The following RBX1 variants were observed in gnomAD, a reference collection of about 807,000 sequenced individuals.
RBX1 encodes ring-box 1.
For synonymous variants in RBX1, 48 were observed against 47.9 expected (o/e 1.00, Z -0.01); for missense variants, 46 against 141.4 (o/e 0.33, Z 3.42).
At chr22:40,961,060 G>A (rs1002693177) in intron 2 of RBX1, among the ~76,000 whole-genome samples, 7 of 150,226 alleles carry the variant, frequency 4.7e-5, no homozygotes, top group Non-Finnish European at 4.4e-5. Flanking sequence ...CACCACGCCC[G>A]GCCGAGCCAC....
intron 2 of RBX1, among the ~76,000 whole-genome samples, 158 bp downstream of exon 2, chr22:40,953,791 A>C (rs760610041): frequency 6.6e-6 from 1 of 152,074 alleles, no homozygotes; most frequent in Non-Finnish European, 1.5e-5. Context: ...GAAATAGAGT[A>C]GTTTTTTTAT....
At chr22:40,972,127 C>T (rs2058370644) in intron 4 of RBX1, among the ~76,000 whole-genome samples, 1 of 152,164 alleles carries the variant, frequency 6.6e-6, no homozygotes, top group South Asian at 2.1e-4. Flanking sequence ...TGTCTGAGCC[C>T]CTGTTGGGAG....
At chr22:40,955,905 G>A (rs1390160611) in intron 2 of RBX1, among the ~76,000 whole-genome samples, 1 of 152,190 alleles carries the variant, frequency 6.6e-6, no homozygotes, top group Admixed American at 6.5e-5. Context: ...AAAAACATAT[G>A]CAGGGTTTCA....
chr22:40,955,473 T>G (rs2058322906), intron 2 of RBX1, among the ~76,000 whole-genome samples: 1 of 152,176 alleles, frequency 6.6e-6, no homozygotes, highest in Non-Finnish European at 1.5e-5. Context: ...TTATTTAACC[T>G]TATATAGTCA....
At chr22:40,967,964 A>G in intron 4 of RBX1, 80 bp downstream of exon 4, 4 of 912,924 alleles carry the variant, frequency 4.4e-6, no homozygotes, top group Non-Finnish European at 5.5e-6. Flanking sequence ...GGATGGAGAC[A>G]TGATACATGC....
At chr22:40,966,785 GT>G (rs2058355517) in intron 3 of RBX1, 2 of 152,156 alleles carry the variant, frequency 1.3e-5, no homozygotes, top group Admixed American at 6.6e-5. Flanking sequence ...AGCTTTTGTT[GT>G]TTTGTTAGGG....
At chr22:40,954,721 T>TA (rs2058320464) in intron 2 of RBX1, among the ~76,000 whole-genome samples, 1 of 152,168 alleles carries the variant, frequency 6.6e-6, no homozygotes. Flanking sequence ...CTCACTCTGT[T>TA]AGTTTACCTG....
intron 1 of RBX1, among the ~76,000 whole-genome samples, chr22:40,953,323 T>A (rs2058316450): frequency 6.6e-6 from 1 of 152,148 alleles, no homozygotes; most frequent in Non-Finnish European, 1.5e-5. Context: ...GGAAACAAAT[T>A]AAAAGATGAC....
chr22:40,951,491 G>A lies in RBX1; in HGVS notation c.78+15G>A. The A allele has an allele frequency of 1.2e-6, 2 of 1,611,484 alleles. No individual in the cohort carries two copies. The highest frequency in any genetic ancestry group is 2.2e-5 in the East Asian group (1 of 44,792). ...AAGTGAAAAAGGTTGGGTCTCGCCA[G>A]CGCCTTCCTCAGGGAAGCTAGAGAG... is the stretch of plus-strand genomic sequence containing the variant. On this transcript the variant is annotated intron_variant, in intron 1 of 4. Transcript: ENST00000216225.
At position 40,965,424 on chromosome 22, in the gene RBX1, T is replaced by G. The variant is rs372698691; in HGVS notation, c.228+1307T>G. On this transcript the variant is annotated intron_variant, in intron 3 of 4. Coordinates refer to ENST00000216225, the MANE Select transcript of RBX1 (RefSeq NM_014248.4). The stretch of plus-strand genomic sequence containing the variant: ...TTTCCTACCTACACTGGTTTTTTGT[T>G]TTTTTTTTTGTTTTTTGTTTTTTGT... 4.2e-3 allele frequency among the ~76,000 whole-genome samples: 637 copies of G among 150,306 alleles called. 3 individuals carry two copies. The highest frequency in any genetic ancestry group is 0.014 in the African/African-American group (585 of 41,082).
At position 40,951,382 on chromosome 22, in the gene RBX1, GA is replaced by G; in HGVS notation, c.-16del. The stretch of plus-strand genomic sequence containing the variant: ...GCGCAGGCGCGGTGGTCGGACGACA[GA>G]CCGTGTGTTTCCAAAATGGCGGCAG... On this transcript the variant is annotated 5_prime_UTR_variant, in exon 1 of 5. Transcript: ENST00000216225. The G allele has an allele frequency of 6.2e-7, 1 of 1,612,038 alleles. No individual in the cohort carries two copies. The highest frequency in any genetic ancestry group is 8.5e-7 in the Non-Finnish European group (1 of 1,178,856).
chr22:40,965,384 T>C lies in RBX1; in HGVS notation c.228+1267T>C, dbSNP rs148074871. On this transcript the variant is annotated intron_variant, in intron 3 of 4. Coordinates refer to ENST00000216225, the MANE Select transcript of RBX1 (RefSeq NM_014248.4). ...TGGTGTTCTCAGTAGTTTTTCCTGT[T>C]GGGTTGCAACTCTTTTTCCTACCTA... is the stretch of plus-strand genomic sequence containing the variant. Among the ~76,000 whole-genome samples, 204 of 149,836 alleles carry C rather than the reference T, an allele frequency of 1.4e-3. 2 individuals are homozygous for C. Among genetic ancestry groups the C allele is most frequent in the African/African-American group, 4.8e-3 (195 of 40,652 alleles).
intron 3 of RBX1, 21 bp downstream of exon 3, chr22:40,964,138 GTCAGCA>G: frequency 6.4e-7 from 1 of 1,571,110 alleles, no homozygotes; most frequent in Middle Eastern, 1.7e-4. Context: ...ATCTTTACCT[GTCAGCA>G]TGGCTTGTAA....
rs935650855 is a variant in RBX1 at position 40,972,766 on chromosome 22, C to T, written c.*278C>T. 3 of 392,950 alleles carry T rather than the reference C, an allele frequency of 7.6e-6. No individual in the cohort carries two copies. The highest frequency in any genetic ancestry group is 4.1e-5 in the African/African-American group (2 of 49,048). 24.3% of individuals were successfully genotyped at this position (392,950 alleles called of 1,614,324 possible). ...TTTTGAAAGTGAAATGTTTGTTCAT[C>T]GGGGCCAGAGCAGGGTTGTCCTCTG... On this transcript the variant is annotated 3_prime_UTR_variant, in exon 5 of 5. Transcript: ENST00000216225.
chr22:40,963,048 G>C (rs577264342), intron 2 of RBX1, among the ~76,000 whole-genome samples: 1 of 148,728 alleles, frequency 6.7e-6, no homozygotes, highest in African/African-American at 2.5e-5. Flanking sequence ...CACCATGTTG[G>C]GTGGGCTAGT....
At chr22:40,956,532 TGA>T (rs1413207992) in intron 2 of RBX1, among the ~76,000 whole-genome samples, 2 of 151,636 alleles carry the variant, frequency 1.3e-5, no homozygotes, top group Non-Finnish European at 2.9e-5. Context: ...TGTATTTTTA[TGA>T]GAGACAGGGT....
intron 4 of RBX1, among the ~76,000 whole-genome samples, chr22:40,969,596 T>C (rs2058363102): frequency 6.6e-6 from 1 of 151,626 alleles, no homozygotes; most frequent in South Asian, 2.1e-4. Flanking sequence ...CAAAAAATAG[T>C]AAATTAGGCC....
intron 4 of RBX1, among the ~76,000 whole-genome samples, chr22:40,968,558 T>C (rs955075083): frequency 6.6e-6 from 1 of 152,216 alleles, no homozygotes; most frequent in African/African-American, 2.4e-5. Context: ...TATTTCACAG[T>C]GATTAATTCT....
chr22:40,957,467 G>A (rs2058328777), intron 2 of RBX1, among the ~76,000 whole-genome samples: 2 of 151,236 alleles, frequency 1.3e-5, no homozygotes, highest in African/African-American at 4.9e-5. Flanking sequence ...GCAACATGGC[G>A]AAACCCTGTC....
Sources: gnomAD v4.1 joint callset for allele counts (sites outside exome capture counted in the v4.1 genomes callset) on GRCh38, gnomAD v4.1.1 for gene constraint, MANE v1.5 for transcripts, NCBI Gene and HGNC (gene_info 2026-07-23, HGNC 2026-07-21) for gene names.